The following PALM variants were observed in gnomAD, a reference collection of about 807,000 sequenced individuals.
The protein encoded by PALM is paralemmin-1.
In PALM, 18 loss-of-function variants were observed where a neutral mutation model predicts 30.7. That is an observed-to-expected ratio of 0.59 (90% CI 0.41 to 0.87). PALM has a LOEUF of 0.87. Among genes scored for constraint, PALM ranks in the 40% least tolerant of loss-of-function variants. PALM has a pLI of 0.00. For synonymous variants in PALM, 286 were observed against 242.8 expected (o/e 1.18, Z -1.66); for missense variants, 529 against 555.4 (o/e 0.95, Z 0.48).
intron 1 of PALM, among the ~76,000 whole-genome samples, chr19:710,264 C>T (rs1170180149): frequency 2.6e-5 from 4 of 152,208 alleles, no homozygotes; most frequent in Admixed American, 2.6e-4. Context: ...GGGGCCGCTG[C>T]CTCCCTCCCT....
intron 4 of PALM, among the ~76,000 whole-genome samples, chr19:729,216 C>G (rs1050081154): frequency 6.6e-6 from 1 of 151,294 alleles, no homozygotes; most frequent in South Asian, 2.1e-4. Context: ...ATCCCAGCTA[C>G]TGGGGAGGCT....
intron 3 of PALM, 135 bp downstream of exon 3, chr19:727,223 C>CTCAA: frequency 1.7e-6 from 1 of 575,900 alleles, no homozygotes; most frequent in Non-Finnish European, 3.0e-6. Context: ...TGACCCTGAC[C>CTCAA]CCGACCCTGA....
At chr19:725,080 A>C (rs2032615077) in intron 1 of PALM, among the ~76,000 whole-genome samples, 1 of 147,960 alleles carries the variant, frequency 6.8e-6, no homozygotes, top group Non-Finnish European at 1.5e-5. Context: ...CTCAGCCTCC[A>C]CGCCCAGCTA....
Position 745,688 on chromosome 19 carries a change from A to AT in PALM, c.635-597_635-596insT, listed in dbSNP as rs940343182. Among the ~76,000 whole-genome samples the AT allele has an allele frequency of 5.5e-5, 8 of 144,260 alleles. No homozygotes were observed. The Middle Eastern group carries it at 0.011, about 203-fold the overall frequency. The allele number at this position is 144,260 out of a possible 152,430, so 94.6% of individuals were successfully genotyped here. A position where few individuals can be genotyped will look rare whatever the true frequency, so the allele number is the denominator to read the frequency against. ...CCAGCCTGGGCAGCTCCATCTCAGA[A>AT]AAAAAAAAAAAAAATCCCAATTCAT... On this transcript the variant is annotated intron_variant, in intron 8 of 8. Transcript: ENST00000338448.
At chr19:733,049 C>A (rs1239399208) in intron 5 of PALM, among the ~76,000 whole-genome samples, 3 of 152,076 alleles carry the variant, frequency 2.0e-5, no homozygotes, top group East Asian at 3.9e-4. Flanking sequence ...GCCTTAGCCT[C>A]CTAAGTATCT....
intron 1 of PALM, among the ~76,000 whole-genome samples, chr19:724,509 G>A (rs572580914): frequency 6.6e-6 from 1 of 152,024 alleles, no homozygotes; most frequent in Non-Finnish European, 1.5e-5. Context: ...TAGTAGAGAC[G>A]GGGGTTTCAC....
chr19:725,286 C>T (rs561806270), intron 1 of PALM, among the ~76,000 whole-genome samples: 35 of 150,612 alleles, frequency 2.3e-4, no homozygotes, highest in Middle Eastern at 3.4e-3. Flanking sequence ...GGGCCGGGCG[C>T]GGTGGCTCAC....
Position 709,673 on chromosome 19 carries a change from G to GC in PALM, c.5+528dup, listed in dbSNP as rs1323902524. ...CCAAGGGCCTCCAGGGGTGTCCTGA[G>GC]CCCCCCGCCACTGCGCAGGTCCCGA... On this transcript the variant is annotated intron_variant, in intron 1 of 8. Coordinates refer to ENST00000338448, the MANE Select transcript of PALM (RefSeq NM_002579.3). This position sits in a 1 kb window ranked among gnomAD's most constrained non-coding sequence, Gnocchi z 4.3. 6.6e-6 allele frequency among the ~76,000 whole-genome samples: 1 copy of GC among 152,182 alleles called. No individual in the cohort carries two copies. Among genetic ancestry groups the GC allele is most frequent in the African/African-American group, 2.4e-5 (1 of 41,532 alleles).
intron 1 of PALM, among the ~76,000 whole-genome samples, chr19:725,515 C>T (rs2032631534): frequency 6.6e-6 from 1 of 152,152 alleles, no homozygotes; most frequent in African/African-American, 2.4e-5. Context: ...GAGCTGAGAT[C>T]CTGCCACTGC....
intron 7 of PALM, among the ~76,000 whole-genome samples, chr19:738,507 CAA>C (rs879395283): frequency 4.0e-5 from 6 of 151,050 alleles, no homozygotes; most frequent in Non-Finnish European, 8.9e-5. Flanking sequence ...GCCTGGGCAA[CAA>C]GAGCAAAACT....
chr19:717,331 G>A lies in PALM; in HGVS notation c.5+8180G>A, dbSNP rs568827465. 3.2e-4 allele frequency among the ~76,000 whole-genome samples: 48 copies of A among 151,934 alleles called. No individual in the cohort carries two copies. The South Asian group carries it at 7.1e-3, about 22-fold the overall frequency. On this transcript the variant is annotated intron_variant, in intron 1 of 8. Transcript: ENST00000338448. The stretch of plus-strand genomic sequence containing the variant: ...TCCCGTCCCCCTCCCCCCAGCCCTC[G>A]GGGAGCCAGTCCCCTTCCTGTCTCT...
At chr19:713,561 C>G (rs535507184) in intron 1 of PALM, among the ~76,000 whole-genome samples, 1 of 152,290 alleles carries the variant, frequency 6.6e-6, no homozygotes, top group South Asian at 2.1e-4. Flanking sequence ...GATTTTGACC[C>G]TAGGAAATTG....
At chr19:727,258 C>G (rs2032711195) in intron 3 of PALM, among the ~76,000 whole-genome samples, 170 bp downstream of exon 3, 1 of 145,570 alleles carries the variant, frequency 6.9e-6, no homozygotes, top group Non-Finnish European at 1.5e-5. Context: ...CCGACCCTGA[C>G]CCCAACCTGA....
At chr19:727,463 T>C in intron 3 of PALM, 101 bp from the exon 4 acceptor site, 1 of 946,692 alleles carries the variant, frequency 1.1e-6, no homozygotes. Context: ...ACCTTGGTCC[T>C]GCCTCAACCC....
intron 1 of PALM, among the ~76,000 whole-genome samples, chr19:711,497 G>A (rs546205553): frequency 6.6e-6 from 1 of 152,320 alleles, no homozygotes; most frequent in South Asian, 2.1e-4. Context: ...TCCGTTGGGT[G>A]CTAACTGGGT....
At position 713,640 on chromosome 19, in the gene PALM, G is replaced by A. The variant is rs190470358; in HGVS notation, c.5+4489G>A. ...GTCACCCAGGCTGGAGCACAGCGGT[G>A]TGATCTCGGCTTATAGCAACCTCTG... is the stretch of plus-strand genomic sequence containing the variant. On this transcript the variant is annotated intron_variant, in intron 1 of 8. Transcript: ENST00000338448. Among the ~76,000 whole-genome samples the A allele has an allele frequency of 1.1e-3, 163 of 152,342 alleles. 3 individuals carry two copies. The highest frequency in any genetic ancestry group is 8.8e-5 in the Non-Finnish European group (6 of 68,034).
intron 1 of PALM, among the ~76,000 whole-genome samples, chr19:717,404 G>A (rs976603403): frequency 6.6e-6 from 1 of 152,018 alleles, no homozygotes; most frequent in East Asian, 1.9e-4. Context: ...CACACGCTGC[G>A]TGGCCTTCTG....
chr19:729,456 G>A (rs1165031224), intron 4 of PALM, among the ~76,000 whole-genome samples: 1 of 135,268 alleles, frequency 7.4e-6, no homozygotes, highest in East Asian at 2.4e-4. Flanking sequence ...CCCACGGTGC[G>A]TCTTTTTTTT....
chr19:731,122 G>A lies in PALM; in HGVS notation c.297G>A (p.Glu99=). ...SRLEKEIEVL[E]RGDSAPATAK... ...TGGAGAAGGAAATTGAGGTGCTGGAGCGTGGAGACTCCGCCCCAGCCACTG... is the reference window on the plus strand; with the variant it reads ...TGGAGAAGGAAATTGAGGTGCTGGAACGTGGAGACTCCGCCCCAGCCACTG... Residue 99 remains glutamate, a synonymous_variant, in exon 5 of 9, where the codon GAG becomes GAA. Coordinates refer to ENST00000338448, the MANE Select transcript of PALM (RefSeq NM_002579.3). The A allele has an allele frequency of 6.2e-7, 1 of 1,603,502 alleles. No homozygotes were observed. The highest frequency in any genetic ancestry group is 2.2e-5 in the East Asian group (1 of 44,546).
Sources: gnomAD v4.1 joint callset for allele counts (sites outside exome capture counted in the v4.1 genomes callset) on GRCh38, gnomAD v4.1.1 for gene constraint, Gnocchi (gnomAD v3.1) non-coding constraint, MANE v1.5 for transcripts, NCBI Gene and HGNC (gene_info 2026-07-23, HGNC 2026-07-21) for gene names.